CSMD1: variants seen among roughly 807,000 people sequenced by gnomAD.
CSMD1 encodes CUB and sushi domain-containing protein 1.
In CSMD1, 213 loss-of-function variants were observed where a neutral mutation model predicts 417.5. That is an observed-to-expected ratio of 0.51 (90% CI 0.46 to 0.57). The LOEUF is 0.57. CSMD1 is among the 20% of genes least tolerant of loss of function. The pLI is 0.00. For synonymous variants in CSMD1, 2,862 were observed against 1,736.8 expected (o/e 1.65, Z -16.11); for missense variants, 6,923 against 4,529.7 (o/e 1.53, Z -15.17).
chr8:4,346,473 T>A (rs761360339), intron 3 of CSMD1, among the ~76,000 whole-genome samples: 2 of 152,124 alleles, frequency 1.3e-5, no homozygotes, highest in African/African-American at 2.4e-5. Context: ...CTTGATATAA[T>A]CCATCCCTGC....
At chr8:3,052,807 A>T (rs1811954173) in intron 49 of CSMD1, among the ~76,000 whole-genome samples, 160 bp from the exon 50 acceptor site, 1 of 124,168 alleles carries the variant, frequency 8.1e-6, no homozygotes. Flanking sequence ...TGGAGACAAG[A>T]GTTTTGTGCT....
At chr8:3,323,306 A>G (rs1041095325) in intron 23 of CSMD1, among the ~76,000 whole-genome samples, 2 of 152,216 alleles carry the variant, frequency 1.3e-5, no homozygotes, top group South Asian at 2.1e-4. Context: ...ACCTTCAATA[A>G]TCTACCCTTC....
intron 10 of CSMD1, among the ~76,000 whole-genome samples, chr8:3,532,869 C>T (rs1436965070): frequency 1.3e-5 from 2 of 152,096 alleles, no homozygotes. Flanking sequence ...TATAATTTCA[C>T]ACTGAGATCT....
At chr8:4,069,836 A>C (rs1315262833) in intron 3 of CSMD1, among the ~76,000 whole-genome samples, 4 of 152,202 alleles carry the variant, frequency 2.6e-5, no homozygotes, top group African/African-American at 9.7e-5. Context: ...TATCGAAATG[A>C]AGACTTCTAC....
intron 7 of CSMD1, among the ~76,000 whole-genome samples, chr8:3,635,184 G>C (rs1338680365): frequency 6.6e-6 from 1 of 152,118 alleles, no homozygotes; most frequent in Non-Finnish European, 1.5e-5. Flanking sequence ...CACTGCTGTA[G>C]AAACACTGTA....
chr8:4,939,683 G>A (rs1434940051), intron 1 of CSMD1, among the ~76,000 whole-genome samples: 4 of 152,172 alleles, frequency 2.6e-5, no homozygotes, highest in African/African-American at 9.6e-5. Context: ...AAATGTTACA[G>A]AATTAAAATC....
At chr8:4,143,782 G>A (rs193086969) in intron 3 of CSMD1, among the ~76,000 whole-genome samples, 7 of 151,262 alleles carry the variant, frequency 4.6e-5, no homozygotes, top group East Asian at 3.9e-4. Context: ...CACAGGGTGG[G>A]AGGGGGCCCA....
intron 26 of CSMD1, among the ~76,000 whole-genome samples, chr8:3,256,361 C>T (rs972465901): frequency 6.7e-6 from 1 of 150,350 alleles, no homozygotes; most frequent in Non-Finnish European, 1.5e-5. Flanking sequence ...AGGAAACAAA[C>T]CACAACTGTT....
At chr8:3,695,115 T>TGTGTGTGTGTGTGG (rs999676752) in intron 7 of CSMD1, among the ~76,000 whole-genome samples, 1 of 151,082 alleles carries the variant, frequency 6.6e-6, no homozygotes, top group Non-Finnish European at 1.5e-5. Context: ...TGTGTGTGTG[T>TGTGTGTGTGTGTGG]GGTTATTGAA....
chr8:4,217,468 T>A (rs570345958), intron 3 of CSMD1, among the ~76,000 whole-genome samples: 1 of 152,248 alleles, frequency 6.6e-6, no homozygotes, highest in African/African-American at 2.4e-5. Context: ...CACAGTGAAT[T>A]AAACACAGGT....
rs955873467 is a variant in CSMD1, at chr8:3,515,231, C to G, written c.1345-21505G>C. ...TTAAATGTCAAGTACATTTGACATC[C>G]TATTTGTCCTTAATATAAATAACAG... On this transcript the variant is annotated intron_variant, in intron 10 of 69. Coordinates refer to ENST00000635120, the MANE Select transcript of CSMD1 (RefSeq NM_033225.6). The G allele has an allele frequency of 7.9e-5, 12 of 152,266 alleles. No individual in the cohort carries two copies. In the South Asian group the frequency reaches 8.3e-4, roughly 11 times the overall value. The allele number at this position is 152,266 out of a possible 1,614,324, so 9.4% of individuals were successfully genotyped here. A position where few individuals can be genotyped will look rare whatever the true frequency, so the allele number is the denominator to read the frequency against.
chr8:4,257,676 G>A (rs1232828630), intron 3 of CSMD1, among the ~76,000 whole-genome samples: 6 of 152,196 alleles, frequency 3.9e-5, no homozygotes, highest in African/African-American at 4.8e-5. Flanking sequence ...TCAGGGTGCA[G>A]CAGTCTTAGG....
intron 1 of CSMD1, among the ~76,000 whole-genome samples, chr8:4,836,923 C>G (rs1800529293): frequency 6.6e-6 from 1 of 152,064 alleles, no homozygotes; most frequent in Non-Finnish European, 1.5e-5. Context: ...GTGTAGAGTT[C>G]TAATGGGAAA....
chr8:4,633,682 G>A (rs964548001), intron 2 of CSMD1, among the ~76,000 whole-genome samples: 7 of 151,992 alleles, frequency 4.6e-5, no homozygotes, highest in South Asian at 2.1e-4. Context: ...TCAGCCTCCC[G>A]AGTAGCTGGA....
At chr8:3,803,880 C>T (rs1359703047) in intron 5 of CSMD1, among the ~76,000 whole-genome samples, 1 of 152,138 alleles carries the variant, frequency 6.6e-6, no homozygotes, top group Non-Finnish European at 1.5e-5. Flanking sequence ...AGGAATTTGA[C>T]TTGAGTGACA....
At chr8:3,666,807 G>C (rs1057310007) in intron 7 of CSMD1, among the ~76,000 whole-genome samples, 2 of 151,906 alleles carry the variant, frequency 1.3e-5, no homozygotes, top group African/African-American at 2.4e-5. Context: ...GGCCTCCTCA[G>C]CCATGTGGAA....
intron 7 of CSMD1, among the ~76,000 whole-genome samples, chr8:3,636,704 G>A (rs1000661582): frequency 2.6e-5 from 4 of 152,220 alleles, no homozygotes; most frequent in East Asian, 1.9e-4. Flanking sequence ...CTGGAGCCAC[G>A]CTCTTGTGAC....
chr8:3,621,080 G>C (rs541313268), intron 7 of CSMD1, among the ~76,000 whole-genome samples: 1 of 152,292 alleles, frequency 6.6e-6, no homozygotes, highest in South Asian at 2.1e-4. Flanking sequence ...GAAGACACAA[G>C]AAGAGAGTCA....
chr8:4,380,843 A>G (rs1333910195), intron 3 of CSMD1, among the ~76,000 whole-genome samples: 2 of 152,180 alleles, frequency 1.3e-5, no homozygotes, highest in South Asian at 2.1e-4. Context: ...TGTGTTTAAT[A>G]TCTCATTATT....
Sources: allele counts gnomAD v4.1 joint callset (sites outside exome capture counted in the v4.1 genomes callset), GRCh38; gene constraint gnomAD v4.1.1; transcripts MANE v1.5; gene names NCBI Gene and HGNC (gene_info 2026-07-23, HGNC 2026-07-21).